TRIM54: variants seen among roughly 807,000 people sequenced by gnomAD.
The protein encoded by TRIM54 is tripartite motif-containing protein 54.
TRIM54 carries 40 observed loss-of-function variants against 42.0 expected under a neutral mutation model. That is an observed-to-expected ratio of 0.95 (90% CI 0.74 to 1.24). TRIM54 has a LOEUF of 1.24. Among genes scored for constraint, TRIM54 ranks in the 50% most tolerant of loss-of-function variants. The pLI is 0.00. For synonymous variants in TRIM54, 199 were observed against 194.9 expected (o/e 1.02, Z -0.17); for missense variants, 485 against 480.3 (o/e 1.01, Z -0.09).
At chr2:27,300,253 C>G (rs1003337442) in intron 3 of TRIM54, among the ~76,000 whole-genome samples, 1 of 152,126 alleles carries the variant, frequency 6.6e-6, no homozygotes, top group Non-Finnish European at 1.5e-5. Context: ...CTCACTGTAA[C>G]CTCTGCCTCG....
intron 1 of TRIM54, among the ~76,000 whole-genome samples, chr2:27,294,889 CAAAAAAAAAAA>C (rs57097129): frequency 1.9e-5 from 1 of 52,804 alleles, no homozygotes; most frequent in African/African-American, 7.2e-5. Flanking sequence ...GACTCCATCT[CAAAAAAAAAAA>C]AAAAAAAAAA....
intron 3 of TRIM54, among the ~76,000 whole-genome samples, chr2:27,300,471 C>T (rs1678998816): frequency 6.8e-6 from 1 of 147,604 alleles, no homozygotes; most frequent in Non-Finnish European, 1.5e-5. Context: ...TGCGCCCGAA[C>T]CTAATTTTTT....
At chr2:27,292,973 T>C (rs929415136) in intron 1 of TRIM54, among the ~76,000 whole-genome samples, 1 of 152,238 alleles carries the variant, frequency 6.6e-6, no homozygotes, top group African/African-American at 2.4e-5. Flanking sequence ...TGATATTTAC[T>C]TGATTTCTTT....
At chr2:27,301,179 G>C (rs927798455) in intron 3 of TRIM54, among the ~76,000 whole-genome samples, 6 of 132,080 alleles carry the variant, frequency 4.5e-5, no homozygotes, top group Admixed American at 8.9e-5. Context: ...CGCTCTTGTC[G>C]CCCAGGCTGG....
chr2:27,306,146 TC>T lies in TRIM54; in HGVS notation c.866+46del. ...AAGGGAAAGGAGGGGGCTGCACTGC[TC>T]CACTGGCTGGGGTGGGGCTTGAGAG... On this transcript the variant is annotated intron_variant, in intron 6 of 8. Coordinates refer to ENST00000380075, the MANE Select transcript of TRIM54 (RefSeq NM_187841.3). The surrounding 1 kb of genome is among the most constrained non-coding windows in gnomAD (Gnocchi z 6.1). 1.2e-6 allele frequency: 2 copies of T among 1,613,992 alleles called. No individual in the cohort carries two copies. The highest frequency in any genetic ancestry group is 1.7e-6 in the Non-Finnish European group (2 of 1,179,976).
chr2:27,283,768 A>ACGCGCGCGCGCG (rs1678459402), intron 1 of TRIM54, among the ~76,000 whole-genome samples: 3 of 93,938 alleles, frequency 3.2e-5, no homozygotes, highest in Admixed American at 2.2e-4. Flanking sequence ...GCAAAGGCAC[A>ACGCGCGCGCGCG]CACACACACA....
chr2:27,307,026 C>G lies in TRIM54; in HGVS notation c.*141C>G, dbSNP rs776739164. The G allele has an allele frequency of 4.7e-5, 11 of 232,834 alleles. No individual in the cohort carries two copies. The South Asian group carries it at 7.1e-4, about 15-fold the overall frequency. 14.4% of individuals were successfully genotyped at this position (232,834 alleles called of 1,614,324 possible). ...CTCGAGCGTCCCAGACCCGTATCTCCTTTCGCTGCCCAACCCCGCAGCCTG... is the reference window on the plus strand; with the variant it reads ...CTCGAGCGTCCCAGACCCGTATCTCGTTTCGCTGCCCAACCCCGCAGCCTG... On this transcript the variant is annotated 3_prime_UTR_variant, in exon 9 of 9. Transcript: ENST00000380075. The surrounding 1 kb of genome is among the most constrained non-coding windows in gnomAD (Gnocchi z 6.9).
At chr2:27,288,364 A>G (rs953855138) in intron 1 of TRIM54, among the ~76,000 whole-genome samples, 2 of 152,252 alleles carry the variant, frequency 1.3e-5, no homozygotes, top group African/African-American at 4.8e-5. Flanking sequence ...TTGCTAGACT[A>G]GCTGCATTTA....
At chr2:27,286,604 C>T (rs1301014225) in intron 1 of TRIM54, among the ~76,000 whole-genome samples, 2 of 152,186 alleles carry the variant, frequency 1.3e-5, no homozygotes, top group African/African-American at 4.8e-5. Flanking sequence ...TTATACCTGC[C>T]TCCACTTCAC....
chr2:27,306,983 G>A lies in TRIM54; in HGVS notation c.*98G>A, dbSNP rs1558593396. 4.2e-6 allele frequency: 1 copy of A among 238,590 alleles called. No homozygotes were observed. The highest frequency in any genetic ancestry group is 8.2e-6 in the Non-Finnish European group (1 of 122,114). 14.8% of individuals were successfully genotyped at this position (238,590 alleles called of 1,614,324 possible). A position where few individuals can be genotyped will look rare whatever the true frequency, so the allele number is the denominator to read the frequency against. On this transcript the variant is annotated 3_prime_UTR_variant, in exon 9 of 9. Transcript: ENST00000380075. This position sits in a 1 kb window ranked among gnomAD's most constrained non-coding sequence, Gnocchi z 6.1. ...TCACCCAAATCGGCGCCGGCCCCGG[G>A]AGGATCTCAATAAAGAACTCGAGCG... is the stretch of plus-strand genomic sequence containing the variant.
chr2:27,299,645 A>T, intron 3 of TRIM54: 4 of 821,608 alleles, frequency 4.9e-6, no homozygotes, highest in East Asian at 2.7e-5. Flanking sequence ...CAGAACACTA[A>T]GATTATAGAT....
At chr2:27,298,770 T>A in intron 2 of TRIM54, 31 bp downstream of exon 2, 1 of 1,607,754 alleles carries the variant, frequency 6.2e-7, no homozygotes. Context: ...GCCTCTCTCA[T>A]GACAGGGCTT....
At chr2:27,286,165 AT>A (rs57911234) in intron 1 of TRIM54, among the ~76,000 whole-genome samples, 2,198 of 143,974 alleles carry the variant, frequency 0.015, 48 homozygotes, top group African/African-American at 0.042. Context: ...TTTGCATATT[AT>A]TTTTTTTTTT....
At chr2:27,296,168 G>C (rs1678861278) in intron 1 of TRIM54, among the ~76,000 whole-genome samples, 1 of 152,190 alleles carries the variant, frequency 6.6e-6, no homozygotes, top group Non-Finnish European at 1.5e-5. Context: ...GCTACCAAAG[G>C]ATCAAACAAG....
intron 3 of TRIM54, among the ~76,000 whole-genome samples, chr2:27,304,231 G>T (rs958774926): frequency 3.4e-5 from 3 of 87,270 alleles, no homozygotes; most frequent in Non-Finnish European, 4.7e-5. Context: ...TATATAGATA[G>T]ATAGATAGAT....
chr2:27,307,283 G>A lies in TRIM54; in HGVS notation c.*398G>A. On this transcript the variant is annotated 3_prime_UTR_variant, in exon 9 of 9. Transcript: ENST00000380075. The surrounding 1 kb of genome is among the most constrained non-coding windows in gnomAD (Gnocchi z 6.9). ...ATGCACCTGGCTGACCTGGCTGAAAGCCGCTGTCTCGGAGCCCCCCACAGC... is the reference window on the plus strand; with the variant it reads ...ATGCACCTGGCTGACCTGGCTGAAAACCGCTGTCTCGGAGCCCCCCACAGC... 1.5e-6 allele frequency: 1 copy of A among 653,908 alleles called. No homozygotes were observed. Among genetic ancestry groups the A allele is most frequent in the Non-Finnish European group, 2.5e-6 (1 of 397,916 alleles). 40.5% of individuals were successfully genotyped at this position (653,908 alleles called of 1,614,324 possible).
intron 1 of TRIM54, among the ~76,000 whole-genome samples, 188 bp downstream of exon 1, chr2:27,283,087 G>C (rs1306658127): frequency 6.6e-6 from 1 of 152,174 alleles, no homozygotes; most frequent in Non-Finnish European, 1.5e-5. Flanking sequence ...GTCAGCAGCT[G>C]CCCTGCAGGC....
In TRIM54 at chr2:27,307,399, C is replaced by T. The variant is rs1679257609; in HGVS notation, c.*514C>T. 6.9e-7 allele frequency: 1 copy of T among 1,452,866 alleles called. No homozygotes were observed. The highest frequency in any genetic ancestry group is 9.1e-7 in the Non-Finnish European group (1 of 1,095,090). 90.0% of individuals were successfully genotyped at this position (1,452,866 alleles called of 1,614,324 possible). ...GCCCTGCCTCTACGACAAAAGCCAA[C>T]GGGTCTTCAGTACTTTTATTAAAAA... On this transcript the variant is annotated 3_prime_UTR_variant, in exon 9 of 9. Coordinates refer to ENST00000380075, the MANE Select transcript of TRIM54 (RefSeq NM_187841.3). The surrounding 1 kb of genome is among the most constrained non-coding windows in gnomAD (Gnocchi z 6.9).
intron 1 of TRIM54, among the ~76,000 whole-genome samples, chr2:27,290,135 G>T (rs1678678753): frequency 6.6e-6 from 1 of 151,750 alleles, no homozygotes; most frequent in Admixed American, 6.6e-5. Flanking sequence ...GCCTTCCAAA[G>T]TTCTAGAATT....
Sources: allele counts gnomAD v4.1 joint callset (sites outside exome capture counted in the v4.1 genomes callset), GRCh38; gene constraint gnomAD v4.1.1; non-coding constraint Gnocchi (gnomAD v3.1); transcripts MANE v1.5; gene names NCBI Gene and HGNC (gene_info 2026-07-23, HGNC 2026-07-21).